Variants in EDC3 observed in about 807,000 individuals in gnomAD.
EDC3 encodes enhancer of mRNA-decapping protein 3.
EDC3 carries 20 observed loss-of-function variants against 41.8 expected under a neutral mutation model. That is an observed-to-expected ratio of 0.48 (90% CI 0.34 to 0.70). The LOEUF (loss-of-function observed/expected upper bound fraction) is 0.70. EDC3 is among the 30% of genes least tolerant of loss of function. The pLI, the probability that EDC3 is intolerant of heterozygous loss-of-function variation, is 0.01. For missense variants in EDC3, 444 were observed against 636.8 expected (o/e 0.70, Z 3.26); for synonymous variants, 206 against 243.2 (o/e 0.85, Z 1.42).
chr15:74,670,215 A>C (rs1392672221), intron 3 of EDC3, among the ~76,000 whole-genome samples: 1 of 151,854 alleles, frequency 6.6e-6, no homozygotes, highest in Non-Finnish European at 1.5e-5. Context: ...AAACCATCTA[A>C]GTAAAATAAG....
chr15:74,635,084 TTCC>T (rs2141570275), intron 6 of EDC3: 1 of 535,496 alleles, frequency 1.9e-6, no homozygotes, highest in South Asian at 1.5e-5. Flanking sequence ...TGTCTTTTTG[TTCC>T]TCCTAACCAG....
intron 1 of EDC3, among the ~76,000 whole-genome samples, chr15:74,694,660 T>C (rs911941605): frequency 1.3e-5 from 2 of 152,232 alleles, no homozygotes; most frequent in Admixed American, 1.3e-4. Context: ...CTCAATTTAG[T>C]GAGTTGCAAC....
chr15:74,686,657 G>A (rs929345795), intron 1 of EDC3, among the ~76,000 whole-genome samples: 2 of 152,136 alleles, frequency 1.3e-5, no homozygotes, highest in Non-Finnish European at 2.9e-5. Context: ...GTGGGTGCCT[G>A]TAATCCCAGC....
intron 3 of EDC3, among the ~76,000 whole-genome samples, chr15:74,664,503 G>A (rs1339940852): frequency 6.6e-6 from 1 of 152,244 alleles, no homozygotes; most frequent in Non-Finnish European, 1.5e-5. Context: ...CCATTGTTGT[G>A]TAACCCTCAG....
In EDC3 at chr15:74,652,581, GTTT is replaced by G. The variant is rs1293789541; in HGVS notation, c.820+3149_820+3151del. The stretch of plus-strand genomic sequence containing the variant: ...GAGAAAAGGAGATGTGATGGGTAAG[GTTT>G]TTGTGTTTTTTTTTTGAGACAGGGT... On this transcript the variant is annotated intron_variant, in intron 4 of 6. Transcript: ENST00000315127. Among the ~76,000 whole-genome samples the G allele has an allele frequency of 1.4e-5, 2 of 145,654 alleles. 1 individual carries two copies. Among genetic ancestry groups the G allele is most frequent in the Non-Finnish European group, 3.0e-5 (2 of 66,184 alleles).
At chr15:74,649,384 G>C (rs1359649133) in intron 4 of EDC3, among the ~76,000 whole-genome samples, 1 of 152,098 alleles carries the variant, frequency 6.6e-6, no homozygotes, top group Non-Finnish European at 1.5e-5. Flanking sequence ...CTCCCAAAGT[G>C]GTGGGATTAC....
chr15:74,651,416 C>T (rs1168510424), intron 4 of EDC3, among the ~76,000 whole-genome samples: 1 of 152,184 alleles, frequency 6.6e-6, no homozygotes, highest in African/African-American at 2.4e-5. Context: ...AATGTGTTTT[C>T]CCAATCAATA....
chr15:74,691,967 C>G (rs1470748741), intron 1 of EDC3, among the ~76,000 whole-genome samples: 1 of 152,156 alleles, frequency 6.6e-6, no homozygotes, highest in East Asian at 1.9e-4. Flanking sequence ...CAGGCGCCCA[C>G]CAACACGCCC....
rs2062976073 is a variant in EDC3 at position 74,689,417 on chromosome 15, A to C, written c.-19+6463T>G. 2.0e-5 allele frequency among the ~76,000 whole-genome samples: 3 copies of C among 152,196 alleles called. No homozygotes were observed. The South Asian group carries it at 6.2e-4, about 32-fold the overall frequency. ...TATTCTCCCAATAAATTATTCCTAA[A>C]ATTGTAATGACTACTGAATTCAGAG... On this transcript the variant is annotated intron_variant, in intron 1 of 6. Transcript: ENST00000315127.
At position 74,640,457 on chromosome 15, in the gene EDC3, G is replaced by C; in HGVS notation, c.974+9C>G. 6.2e-7 allele frequency: 1 copy of C among 1,613,458 alleles called. No homozygotes were observed. On this transcript the variant is annotated intron_variant, in intron 5 of 6. Coordinates refer to ENST00000315127, the MANE Select transcript of EDC3 (RefSeq NM_025083.5). ...CACATTGAGTCCCTGCCAGTTTATAGACATTTACCTGTTAGGTCCTCCGAG... is the reference window on the plus strand; with the variant it reads ...CACATTGAGTCCCTGCCAGTTTATACACATTTACCTGTTAGGTCCTCCGAG...
At chr15:74,680,858 T>C (rs528941429) in intron 1 of EDC3, among the ~76,000 whole-genome samples, 2 of 152,236 alleles carry the variant, frequency 1.3e-5, no homozygotes, top group African/African-American at 4.8e-5. Flanking sequence ...CAATGAAATT[T>C]AAAATACAAT....
In EDC3 at chr15:74,631,100, A is replaced by G. The variant is rs2062201055; in HGVS notation, c.*1512T>C. 6.6e-6 allele frequency: 1 copy of G among 152,248 alleles called. No individual in the cohort carries two copies. The highest frequency in any genetic ancestry group is 2.4e-5 in the African/African-American group (1 of 41,440). 9.4% of individuals were successfully genotyped at this position (152,248 alleles called of 1,614,324 possible). A position where few individuals can be genotyped will look rare whatever the true frequency, so the allele number is the denominator to read the frequency against. ...CTGGCCTCTTCCCATCGCTGGAGAC[A>G]ATTTAAGACTGAAGGGAAGATGAGA... On this transcript the variant is annotated 3_prime_UTR_variant, in exon 7 of 7. Coordinates refer to ENST00000315127, the MANE Select transcript of EDC3 (RefSeq NM_025083.5).
chr15:74,637,283 C>A (rs1212400708), intron 5 of EDC3: 1 of 152,184 alleles, frequency 6.6e-6, no homozygotes, highest in African/African-American at 2.4e-5. Flanking sequence ...AAGACTGGCA[C>A]AAGGACAGCC....
intron 4 of EDC3, among the ~76,000 whole-genome samples, chr15:74,648,712 G>T (rs911877264): frequency 3.9e-5 from 6 of 152,114 alleles, no homozygotes. Flanking sequence ...AAATCTCAGC[G>T]CACAGTGTGG....
chr15:74,640,667 A>C, intron 4 of EDC3, 48 bp from the exon 5 acceptor site: 1 of 1,611,754 alleles, frequency 6.2e-7, no homozygotes, highest in Non-Finnish European at 8.5e-7. Context: ...ACAGAAACCA[A>C]GTCCAAACCG....
chr15:74,681,868 A>C (rs551097229), intron 1 of EDC3, among the ~76,000 whole-genome samples: 8 of 152,186 alleles, frequency 5.3e-5, no homozygotes, highest in African/African-American at 1.7e-4. Flanking sequence ...TTGACACCAA[A>C]AGCACAATCC....
chr15:74,659,139 T>C (rs2062590100), intron 3 of EDC3, among the ~76,000 whole-genome samples: 1 of 151,960 alleles, frequency 6.6e-6, no homozygotes, highest in Non-Finnish European at 1.5e-5. Context: ...GATGATAAAA[T>C]ACAACCAAGA....
At chr15:74,646,325 G>A (rs1030063648) in intron 4 of EDC3, among the ~76,000 whole-genome samples, 9 of 152,112 alleles carry the variant, frequency 5.9e-5, no homozygotes, top group African/African-American at 2.2e-4. Flanking sequence ...CACCCGCCTC[G>A]ACCTCCCAAA....
chr15:74,668,777 C>T (rs1200320464), intron 3 of EDC3, among the ~76,000 whole-genome samples: 1 of 101,504 alleles, frequency 9.9e-6, no homozygotes, highest in Non-Finnish European at 1.8e-5. Flanking sequence ...AGGTTAAAGT[C>T]TAAATGGAAA....
Sources: gnomAD v4.1 joint callset for allele counts (sites outside exome capture counted in the v4.1 genomes callset) on GRCh38, gnomAD v4.1.1 for gene constraint, MANE v1.5 for transcripts, NCBI Gene and HGNC (gene_info 2026-07-23, HGNC 2026-07-21) for gene names.